The following IGF2BP3 variants were observed in gnomAD, a reference collection of about 807,000 sequenced individuals.
IGF2BP3 encodes insulin like growth factor 2 mRNA binding protein 3, also known as insulin-like growth factor 2 mRNA-binding protein 3.
A neutral mutation model predicts 73.8 loss-of-function variants in IGF2BP3; 9 were observed. That is an observed-to-expected ratio of 0.12 (90% confidence interval 0.07 to 0.21). The LOEUF (loss-of-function observed/expected upper bound fraction) is 0.21. IGF2BP3 is among the 10% of genes least tolerant of loss of function. The probability of loss-of-function intolerance (pLI) is 1.00; values close to 1 mark genes in which losing one functional copy is unlikely to be tolerated. For synonymous variants in IGF2BP3, 258 were observed against 256.7 expected (o/e 1.01, Z -0.05); for missense variants, 542 against 714.0 (o/e 0.76, Z 2.75).
At chr7:23,464,388 T>C (rs1424321359) in intron 2 of IGF2BP3, among the ~76,000 whole-genome samples, 6 of 152,250 alleles carry the variant, frequency 3.9e-5, no homozygotes, top group Non-Finnish European at 7.3e-5. Flanking sequence ...ATTTACCATC[T>C]TAATCACTTT....
At chr7:23,358,589 C>T (rs547239863) in intron 5 of IGF2BP3, among the ~76,000 whole-genome samples, 1 of 152,326 alleles carries the variant, frequency 6.6e-6, no homozygotes, top group African/African-American at 2.4e-5. Context: ...CACTTTGTAG[C>T]TGAGAAAACC....
chr7:23,400,292 G>A (rs1350520293), intron 3 of IGF2BP3, among the ~76,000 whole-genome samples: 1 of 152,210 alleles, frequency 6.6e-6, no homozygotes, highest in Non-Finnish European at 1.5e-5. Context: ...CAAAGTATTA[G>A]GTTGGTACAA....
chr7:23,425,208 G>A (rs999581232), intron 2 of IGF2BP3, among the ~76,000 whole-genome samples: 6 of 152,140 alleles, frequency 3.9e-5, no homozygotes, highest in African/African-American at 1.4e-4. Flanking sequence ...TTGATATGCT[G>A]ATATATAATC....
intron 2 of IGF2BP3, among the ~76,000 whole-genome samples, chr7:23,449,549 TTTTTC>T (rs1478389432): frequency 3.2e-5 from 4 of 123,896 alleles, no homozygotes; most frequent in South Asian, 2.8e-4. Flanking sequence ...TTCCTTTTTC[TTTTTC>T]TTTTTTTTTT....
intron 2 of IGF2BP3, among the ~76,000 whole-genome samples, chr7:23,447,108 G>GAAT: frequency 6.6e-6 from 1 of 151,866 alleles, no homozygotes; most frequent in East Asian, 1.9e-4. Context: ...GGAGGCTGAG[G>GAAT]GAGAATCACT....
At chr7:23,368,169 T>G (rs1451320855) in intron 3 of IGF2BP3, among the ~76,000 whole-genome samples, 1 of 152,126 alleles carries the variant, frequency 6.6e-6, no homozygotes, top group Non-Finnish European at 1.5e-5. Flanking sequence ...GCTTACTGAC[T>G]GATGAATGGA....
At chr7:23,431,713 C>G (rs1309376590) in intron 2 of IGF2BP3, among the ~76,000 whole-genome samples, 1 of 152,156 alleles carries the variant, frequency 6.6e-6, no homozygotes, top group Non-Finnish European at 1.5e-5. Flanking sequence ...CGAGAACCAC[C>G]TATGTTAGAA....
chr7:23,416,607 A>AAG (rs1321328229), intron 3 of IGF2BP3, among the ~76,000 whole-genome samples: 1 of 152,268 alleles, frequency 6.6e-6, no homozygotes. Flanking sequence ...GAAGGTACAT[A>AAG]AGGTCCGGTC....
intron 2 of IGF2BP3, among the ~76,000 whole-genome samples, chr7:23,453,736 A>G (rs1788252830): frequency 6.6e-6 from 1 of 152,216 alleles, no homozygotes; most frequent in Non-Finnish European, 1.5e-5. Flanking sequence ...CAACCTTGCC[A>G]ACACCAGATA....
chr7:23,401,879 C>G (rs920111917), intron 3 of IGF2BP3, among the ~76,000 whole-genome samples: 1 of 152,106 alleles, frequency 6.6e-6, no homozygotes, highest in African/African-American at 2.4e-5. Flanking sequence ...TTGGCTGAGA[C>G]AGGTGAATCA....
At chr7:23,410,263 G>C (rs1033738524) in intron 3 of IGF2BP3, among the ~76,000 whole-genome samples, 2 of 152,026 alleles carry the variant, frequency 1.3e-5, no homozygotes, top group African/African-American at 4.8e-5. Context: ...AGGCTGAGAT[G>C]GGAGAATCAC....
intron 5 of IGF2BP3, 99 bp from the exon 6 acceptor site, chr7:23,351,685 C>A: frequency 7.8e-7 from 1 of 1,289,476 alleles, no homozygotes; most frequent in Non-Finnish European, 1.1e-6. Context: ...GCATTACTAG[C>A]TCTAAACTTC....
chr7:23,394,733 A>G (rs1267885086), intron 3 of IGF2BP3: 2 of 152,260 alleles, frequency 1.3e-5, no homozygotes, highest in Non-Finnish European at 2.9e-5. Context: ...GTTTTCAAAC[A>G]TTAATTAAAC....
chr7:23,465,529 C>T (rs577843239), intron 2 of IGF2BP3, among the ~76,000 whole-genome samples: 5 of 151,740 alleles, frequency 3.3e-5, no homozygotes, highest in Non-Finnish European at 7.4e-5. Flanking sequence ...AGGGTCCCCC[C>T]CCAAGCTCCA....
At chr7:23,425,006 G>A (rs1787467918) in intron 2 of IGF2BP3, among the ~76,000 whole-genome samples, 2 of 152,106 alleles carry the variant, frequency 1.3e-5, no homozygotes, top group African/African-American at 4.8e-5. Flanking sequence ...AACTACTCCA[G>A]TAAACAACAA....
At chr7:23,415,617 T>G (rs1351548028) in intron 3 of IGF2BP3, 2 of 238,324 alleles carry the variant, frequency 8.4e-6, no homozygotes, top group Non-Finnish European at 1.7e-5. Context: ...CTAGCTCCTC[T>G]GGACACTCTG....
intron 2 of IGF2BP3, among the ~76,000 whole-genome samples, chr7:23,462,285 A>G (rs1288204749): frequency 6.6e-6 from 1 of 152,192 alleles, no homozygotes; most frequent in African/African-American, 2.4e-5. Context: ...ACAACTAATA[A>G]TAATGCAATA....
At chr7:23,456,296 T>C (rs906152101) in intron 2 of IGF2BP3, among the ~76,000 whole-genome samples, 1 of 152,054 alleles carries the variant, frequency 6.6e-6, no homozygotes, top group Non-Finnish European at 1.5e-5. Context: ...TTAACCACTA[T>C]TACCACAGGT....
chr7:23,416,904 A>G (rs1203021732), intron 3 of IGF2BP3, among the ~76,000 whole-genome samples: 1 of 152,148 alleles, frequency 6.6e-6, no homozygotes, highest in Non-Finnish European at 1.5e-5. Flanking sequence ...AAATACAAAA[A>G]ATTAGCCAGG....
Sources: gnomAD v4.1 joint callset for allele counts (sites outside exome capture counted in the v4.1 genomes callset) on GRCh38, gnomAD v4.1.1 for gene constraint, MANE v1.5 for transcripts, NCBI Gene and HGNC (gene_info 2026-07-23, HGNC 2026-07-21) for gene names.